The following ABL1 variants were observed in gnomAD, a reference collection of about 807,000 sequenced individuals.
The protein encoded by ABL1 is tyrosine-protein kinase ABL1.
In ABL1, 11 loss-of-function variants were observed where a neutral mutation model predicts 94.7. That is an observed-to-expected ratio of 0.12 (90% CI 0.07 to 0.19). The LOEUF is 0.19. Among genes scored for constraint, ABL1 ranks in the 10% least tolerant of loss-of-function variants. The probability of loss-of-function intolerance (pLI) is 1.00; values close to 1 mark genes in which losing one functional copy is unlikely to be tolerated. For missense variants in ABL1, 1,082 were observed against 1,489.4 expected (o/e 0.73, Z 4.50); for synonymous variants, 656 against 622.4 (o/e 1.05, Z -0.80).
At chr9:130,807,149 T>TA (rs34176980) in intron 1 of ABL1, among the ~76,000 whole-genome samples, 5,402 of 149,840 alleles carry the variant, frequency 0.036, 302 homozygotes, top group African/African-American at 0.12. Context: ...GACTCCATCT[T>TA]AAAAAAAAAA....
intron 1 of ABL1, among the ~76,000 whole-genome samples, chr9:130,828,066 A>T (rs1830448244): frequency 1.3e-5 from 2 of 151,860 alleles, no homozygotes; most frequent in African/African-American, 4.8e-5. Flanking sequence ...TAAGAATAAA[A>T]ATGAATTATT....
chr9:130,727,641 A>T (rs1373461367), intron 1 of ABL1, among the ~76,000 whole-genome samples: 3 of 151,166 alleles, frequency 2.0e-5, no homozygotes, highest in Admixed American at 1.3e-4. Context: ...AGCTGCCTAT[A>T]GCTACTCGGG....
intron 1 of ABL1, among the ~76,000 whole-genome samples, chr9:130,723,488 C>T (rs1467263723): frequency 1.3e-5 from 2 of 152,108 alleles, no homozygotes; most frequent in Non-Finnish European, 2.9e-5. Context: ...GAGGCTGAAG[C>T]AAACTGTGAT....
chr9:130,754,506 T>TAAAA (rs1212165227), intron 1 of ABL1, among the ~76,000 whole-genome samples: 1 of 45,620 alleles, frequency 2.2e-5, no homozygotes, highest in African/African-American at 2.4e-4. Flanking sequence ...AGACTCCGTC[T>TAAAA]CAAAAAAAAA....
intron 8 of ABL1, among the ~76,000 whole-genome samples, chr9:130,879,230 A>G (rs1193793423): frequency 6.6e-6 from 1 of 152,256 alleles, no homozygotes; most frequent in Non-Finnish European, 1.5e-5. Context: ...TGTTATCTGT[A>G]CTATGCACAC....
intron 6 of ABL1, among the ~76,000 whole-genome samples, chr9:130,873,238 G>T (rs1336705802): frequency 2.6e-5 from 4 of 152,252 alleles, no homozygotes; most frequent in Non-Finnish European, 5.9e-5. Context: ...GCTAAATTCA[G>T]CCAGGCCTAG....
At chr9:130,721,398 A>G (rs768462465) in intron 1 of ABL1, among the ~76,000 whole-genome samples, 1 of 150,562 alleles carries the variant, frequency 6.6e-6, no homozygotes, top group Non-Finnish European at 1.5e-5. Flanking sequence ...AACAAACACT[A>G]ATTCTCATTA....
rs138446676 is a variant in ABL1, at chr9:130,730,046, C to CT, written c.136+15605dup. On this transcript the variant is annotated intron_variant, in intron 1 of 10. Coordinates refer to the ABL1 transcript ENST00000372348. ...GCGTGAGCCACTGCGCCCAGCCAGA[C>CT]TTTTTTTTTTTTTTGAGATGGAATT... Among the ~76,000 whole-genome samples the CT allele has an allele frequency of 1.4e-3, 147 of 107,160 alleles. 4 individuals carry two copies. In the Middle Eastern group the frequency reaches 0.032, roughly 24 times the overall value. 70.3% of individuals were successfully genotyped at this position (107,160 alleles called of 152,430 possible).
chr9:130,758,395 G>A (rs1318981621), intron 1 of ABL1, among the ~76,000 whole-genome samples: 7 of 151,478 alleles, frequency 4.6e-5, no homozygotes, highest in African/African-American at 1.7e-4. Flanking sequence ...TCCTGACTCC[G>A]GTGATCCACC....
intron 1 of ABL1, among the ~76,000 whole-genome samples, chr9:130,767,769 TCACA>T (rs1031638703): frequency 5.3e-5 from 8 of 151,846 alleles, no homozygotes; most frequent in East Asian, 1.9e-4. Flanking sequence ...GTGTGCACAC[TCACA>T]CACACGTACA....
chr9:130,854,077 G>A lies in ABL1; in HGVS notation c.93G>A (p.Arg31=), dbSNP rs1370205928. Residue 31 remains arginine (R), a synonymous_variant, in exon 2 of 11, where the codon CGG becomes CGA. Coordinates refer to ENST00000318560, the MANE Select transcript of ABL1 (RefSeq NM_005157.6). The part of the protein sequence containing the change: ...SSCYLEEALQ[R]PVASDFEPQG... ...TTTCTCTTCCAGAAGCCCTTCAGCG[G>A]CCAGTAGCATCTGACTTTGAGCCTC... 6.2e-6 allele frequency: 10 copies of A among 1,613,026 alleles called. No individual in the cohort carries two copies. In the South Asian group the frequency reaches 1.1e-4, roughly 18 times the overall value.
chr9:130,846,509 T>C lies in ABL1; in HGVS notation c.80-7555T>C, dbSNP rs145732713. ...AAGGGAACGTTTGTCACGTCTGACA[T>C]GCTCCATCCTCCTGTCCCCCCCACA... On this transcript the variant is annotated intron_variant, in intron 1 of 10. Coordinates refer to ENST00000318560, the MANE Select transcript of ABL1 (RefSeq NM_005157.6). 4.7e-3 allele frequency among the ~76,000 whole-genome samples: 716 copies of C among 152,346 alleles called. 5 individuals are homozygous for C. Among genetic ancestry groups the C allele is most frequent in the African/African-American group, 0.017 (687 of 41,576 alleles).
chr9:130,805,959 A>G (rs1830118482), intron 1 of ABL1, among the ~76,000 whole-genome samples: 1 of 152,214 alleles, frequency 6.6e-6, no homozygotes, highest in Non-Finnish European at 1.5e-5. Flanking sequence ...CAACATTTTC[A>G]GCGTGGCAAC....
chr9:130,861,336 T>C (rs1353075333), intron 3 of ABL1, among the ~76,000 whole-genome samples: 1 of 152,246 alleles, frequency 6.6e-6, no homozygotes, highest in Non-Finnish European at 1.5e-5. Flanking sequence ...TCACTTGTGT[T>C]ATCTCCCCAA....
At chr9:130,737,742 A>G (rs1214421146) in intron 1 of ABL1, among the ~76,000 whole-genome samples, 1 of 151,894 alleles carries the variant, frequency 6.6e-6, no homozygotes, top group Admixed American at 6.6e-5. Context: ...GCATCTGCTC[A>G]GTTCCAGTGT....
chr9:130,823,920 T>A (rs940266601), intron 1 of ABL1, among the ~76,000 whole-genome samples: 8 of 152,100 alleles, frequency 5.3e-5, no homozygotes, highest in Admixed American at 5.2e-4. Context: ...TCAAAGAAAG[T>A]CTAGTTGATA....
At chr9:130,742,106 C>T (rs918839254) in intron 1 of ABL1, among the ~76,000 whole-genome samples, 12 of 151,922 alleles carry the variant, frequency 7.9e-5, no homozygotes, top group Non-Finnish European at 1.5e-4. Flanking sequence ...CAGTCGTCAG[C>T]CCACCGAGTC....
intron 1 of ABL1, among the ~76,000 whole-genome samples, chr9:130,789,603 A>G (rs1829877903): frequency 6.6e-6 from 1 of 152,220 alleles, no homozygotes. Context: ...GTTCCTGACA[A>G]TTTCAGATAT....
chr9:130,747,080 C>G (rs1831897075), intron 1 of ABL1, among the ~76,000 whole-genome samples: 1 of 152,162 alleles, frequency 6.6e-6, no homozygotes, highest in Admixed American at 6.5e-5. Flanking sequence ...AAGTCTCCCT[C>G]AGGCTGGGCA....
Sources: gnomAD v4.1 joint callset for allele counts (sites outside exome capture counted in the v4.1 genomes callset) on GRCh38, gnomAD v4.1.1 for gene constraint, MANE v1.5 for transcripts, NCBI Gene and HGNC (gene_info 2026-07-23, HGNC 2026-07-21) for gene names.